RCL1: variants seen among roughly 807,000 people sequenced by gnomAD.
RCL1 encodes the protein RNA terminal phosphate cyclase like 1, also known as RNA 3'-terminal phosphate cyclase-like protein.
In RCL1, 24 loss-of-function variants were observed where a neutral mutation model predicts 42.4. The ratio of observed to expected loss-of-function variants is 0.57; its 90% CI spans 0.41 to 0.80. The LOEUF is 0.80. Among genes scored for constraint, RCL1 ranks in the 30% least tolerant of loss-of-function variants. The pLI is 0.00. For synonymous variants in RCL1, 228 were observed against 177.3 expected, an observed-to-expected ratio of 1.29 and a Z score of -2.27; for missense variants, 578 against 467.9, an observed-to-expected ratio of 1.24 and a Z score of -2.17.
chr9:4,821,572 G>C (rs1816597519), intron 1 of RCL1, among the ~76,000 whole-genome samples: 1 of 152,180 alleles, frequency 6.6e-6, no homozygotes, highest in Non-Finnish European at 1.5e-5. Context: ...GGGCCTTCTT[G>C]CCACAGCTTC....
intron 1 of RCL1, among the ~76,000 whole-genome samples, chr9:4,818,326 T>C (rs1339944326): frequency 1.3e-5 from 2 of 152,214 alleles, no homozygotes; most frequent in South Asian, 2.1e-4. Context: ...GTCTGCATTT[T>C]TTTTTCTTGA....
intron 1 of RCL1, among the ~76,000 whole-genome samples, chr9:4,795,091 T>C (rs893555095): frequency 6.6e-6 from 1 of 151,978 alleles, no homozygotes; most frequent in Non-Finnish European, 1.5e-5. Flanking sequence ...TCTTTCTTTT[T>C]TTTTGAGACA....
At chr9:4,812,437 T>A (rs1427084829) in intron 1 of RCL1, among the ~76,000 whole-genome samples, 1 of 152,148 alleles carries the variant, frequency 6.6e-6, no homozygotes, top group Admixed American at 6.6e-5. Context: ...TATTTTTAAA[T>A]TTTAGAAATA....
chr9:4,845,895 A>C (rs573190250), intron 7 of RCL1, among the ~76,000 whole-genome samples: 4 of 152,226 alleles, frequency 2.6e-5, no homozygotes, highest in Non-Finnish European at 5.9e-5. Flanking sequence ...CTCAGTTGTC[A>C]GGCATCTTTC....
At chr9:4,822,155 G>C (rs1481926173) in intron 1 of RCL1, among the ~76,000 whole-genome samples, 1 of 152,238 alleles carries the variant, frequency 6.6e-6, no homozygotes, top group African/African-American at 2.4e-5. Flanking sequence ...ATTATGACAA[G>C]AGTTATGGGA....
At chr9:4,858,595 C>G (rs772590726) in intron 8 of RCL1, among the ~76,000 whole-genome samples, 5 of 152,138 alleles carry the variant, frequency 3.3e-5, no homozygotes, top group Admixed American at 6.5e-5. Context: ...TCCAGTTGTT[C>G]CAGCATCATT....
At chr9:4,803,528 A>C (rs949291791) in intron 1 of RCL1, among the ~76,000 whole-genome samples, 2 of 152,290 alleles carry the variant, frequency 1.3e-5, no homozygotes, top group South Asian at 4.1e-4. Context: ...TTCTAAGTCC[A>C]GGAATATTCA....
chr9:4,805,776 C>T (rs908478553), intron 1 of RCL1, among the ~76,000 whole-genome samples: 6 of 152,154 alleles, frequency 3.9e-5, no homozygotes, highest in Non-Finnish European at 8.8e-5. Flanking sequence ...GACTGCCTGC[C>T]ACTACCTATC....
intron 1 of RCL1, chr9:4,803,869 C>T: frequency 6.4e-6 from 1 of 156,474 alleles, no homozygotes. Flanking sequence ...ACGGGCTGTT[C>T]CCTGTGTGTT....
intron 3 of RCL1, among the ~76,000 whole-genome samples, chr9:4,830,494 G>A (rs766509226): frequency 6.6e-6 from 1 of 152,182 alleles, no homozygotes. Context: ...AGAAAGTGGG[G>A]AGAAATTTTA....
chr9:4,826,733 A>G (rs1816776015), intron 2 of RCL1, 125 bp from the exon 3 acceptor site: 1 of 779,866 alleles, frequency 1.3e-6, no homozygotes, highest in South Asian at 1.7e-5. Context: ...TCTTAGCAAG[A>G]TGGCATTTCG....
intron 1 of RCL1, among the ~76,000 whole-genome samples, chr9:4,797,563 T>A (rs577365993): frequency 5.1e-4 from 77 of 152,202 alleles, no homozygotes; most frequent in African/African-American, 1.8e-3. Context: ...TGGCCTCTAG[T>A]GGTTAGAATC....
chr9:4,798,152 C>G (rs1842943522), intron 1 of RCL1, among the ~76,000 whole-genome samples: 1 of 152,202 alleles, frequency 6.6e-6, no homozygotes, highest in Non-Finnish European at 1.5e-5. Flanking sequence ...CCTGTTCTCT[C>G]TCATTTCACA....
rs181828136 is a variant in RCL1 at position 4,841,344 on chromosome 9, G to C, written c.697G>C (p.Val233Leu). ...IYIYTDHMKG[V>L]NSGKSPGFGL... is the part of the protein sequence containing the mutation. ...TATTTACACAGATCACATGAAAGGA[G>C]TCAACTCTGGGAAGTAAGTATCTGT... Residue 233 changes from valine (V) to leucine (L), a missense_variant, in exon 6 of 9, where the codon GTC becomes CTC. Coordinates refer to ENST00000381750, the MANE Select transcript of RCL1 (RefSeq NM_005772.5). 2.5e-6 allele frequency: 4 copies of C among 1,612,102 alleles called. No homozygotes were observed. The Admixed American group carries it at 6.7e-5, about 27-fold the overall frequency.
chr9:4,829,733 G>C (rs1276776708), intron 3 of RCL1, among the ~76,000 whole-genome samples: 2 of 152,130 alleles, frequency 1.3e-5, no homozygotes, highest in African/African-American at 2.4e-5. Context: ...GTTGGTAGTG[G>C]TGTGTGTATG....
At chr9:4,846,277 G>A (rs1324625442) in intron 7 of RCL1, among the ~76,000 whole-genome samples, 1 of 152,120 alleles carries the variant, frequency 6.6e-6, no homozygotes, top group Non-Finnish European at 1.5e-5. Flanking sequence ...GGAAGACAGT[G>A]GACCTATAGT....
intron 1 of RCL1, among the ~76,000 whole-genome samples, chr9:4,823,234 G>A (rs1001276181): frequency 6.6e-6 from 1 of 151,392 alleles, no homozygotes; most frequent in Admixed American, 6.6e-5. Flanking sequence ...GGTCTTAAGG[G>A]TTTTATGCTG....
At chr9:4,805,400 A>AGAAGGG (rs55663136) in intron 1 of RCL1, among the ~76,000 whole-genome samples, 88,664 of 150,112 alleles carry the variant, frequency 0.59, 26,272 homozygotes, top group East Asian at 0.71. Context: ...AAGAAGAAGG[A>AGAAGGG]GAAGGGGAAG....
At chr9:4,853,014 T>G (rs1008150594) in intron 8 of RCL1, among the ~76,000 whole-genome samples, 1 of 152,164 alleles carries the variant, frequency 6.6e-6, no homozygotes, top group African/African-American at 2.4e-5. Flanking sequence ...CTTCCCCTAG[T>G]CACATTACTG....
Sources: allele counts gnomAD v4.1 joint callset (sites outside exome capture counted in the v4.1 genomes callset), GRCh38; gene constraint gnomAD v4.1.1; transcripts MANE v1.5; gene names NCBI Gene and HGNC (gene_info 2026-07-23, HGNC 2026-07-21).